The following KCNN2 variants were observed in gnomAD, a reference collection of about 807,000 sequenced individuals.
The protein encoded by KCNN2 is potassium calcium-activated channel subfamily N member 2, also known as small conductance calcium-activated potassium channel protein 2.
Under a neutral mutation model 55.5 loss-of-function variants are expected in KCNN2, and 24 were observed. That is an observed-to-expected ratio of 0.43 (90% CI 0.31 to 0.61). The LOEUF (loss-of-function observed/expected upper bound fraction) is 0.61. Ranked by LOEUF, KCNN2 falls within the 20% of genes least tolerant of loss-of-function variation. KCNN2 has a pLI of 0.08. For missense variants in KCNN2, 754 were observed against 853.6 expected (o/e 0.88, Z 1.45); for synonymous variants, 431 against 336.1 (o/e 1.28, Z -3.09).
chr5:114,276,340 T>C (rs1366588866), intron 2 of KCNN2, among the ~76,000 whole-genome samples: 1 of 152,176 alleles, frequency 6.6e-6, no homozygotes, highest in African/African-American at 2.4e-5. Flanking sequence ...ATATGTCTAT[T>C]AGGTCTGCTT....
intron 3 of KCNN2, among the ~76,000 whole-genome samples, chr5:114,452,862 T>C (rs546904899): frequency 6.6e-6 from 1 of 152,364 alleles, no homozygotes; most frequent in South Asian, 2.1e-4. Flanking sequence ...AACTTAGATA[T>C]GTACCTTCTT....
Position 114,161,832 on chromosome 5 carries a change from T to C in KCNN2, c.-270-59648T>C, listed in dbSNP as rs556411092. Among the ~76,000 whole-genome samples, 29 of 152,326 alleles carry C rather than the reference T, an allele frequency of 1.9e-4. No individual in the cohort carries two copies. In the South Asian group the frequency reaches 5.2e-3, roughly 27 times the overall value. On this transcript the variant is annotated intron_variant, in intron 1 of 10. Transcript: ENST00000512097. The stretch of plus-strand genomic sequence containing the variant: ...TTGTGCATTCGTCACGTGGTTCTCA[T>C]GCCATGGTTTTCAGCTCCATCAGGT...
chr5:114,462,127 C>G (rs938587816), intron 3 of KCNN2, among the ~76,000 whole-genome samples: 1 of 152,114 alleles, frequency 6.6e-6, no homozygotes, highest in African/African-American at 2.4e-5. Context: ...GCAAATTCTT[C>G]TAGGGTGACA....
chr5:114,072,669 G>T (rs181004764), intron 1 of KCNN2, among the ~76,000 whole-genome samples: 177 of 152,270 alleles, frequency 1.2e-3, no homozygotes, highest in Non-Finnish European at 2.2e-3. Flanking sequence ...GAGGTAGAAT[G>T]CACAGTGATA....
At chr5:114,391,937 T>C (rs73245924) in intron 2 of KCNN2, among the ~76,000 whole-genome samples, 3,552 of 152,154 alleles carry the variant, frequency 0.023, 133 homozygotes, top group African/African-American at 0.082. Context: ...TCACCTCTAT[T>C]TAGGGCTGGA....
Position 114,139,588 on chromosome 5 carries a change from T to C in KCNN2, c.-270-81892T>C, listed in dbSNP as rs180881519. 5.1e-3 allele frequency among the ~76,000 whole-genome samples: 759 copies of C among 149,848 alleles called. 9 individuals are homozygous for C. Among genetic ancestry groups the C allele is most frequent in the African/African-American group, 0.018 (726 of 41,138 alleles). ...TATAATAATAATTTAATGAATAATA[T>C]TTATATACTCTATATAATATATAAA... On this transcript the variant is annotated intron_variant, in intron 1 of 10. Coordinates refer to the KCNN2 transcript ENST00000512097.
chr5:114,144,663 C>G (rs1041204109), intron 1 of KCNN2, among the ~76,000 whole-genome samples: 16 of 151,906 alleles, frequency 1.1e-4, no homozygotes, highest in African/African-American at 3.9e-4. Context: ...TAACAATTAA[C>G]ACAGGTAATT....
chr5:114,249,162 T>A (rs4460133), intron 2 of KCNN2, among the ~76,000 whole-genome samples: 56,310 of 151,902 alleles, frequency 0.37, 10,860 homozygotes, highest in East Asian at 0.73. Context: ...TGCTGATGAT[T>A]CAATGGAGAT....
chr5:114,215,393 CA>C (rs1464999792), intron 1 of KCNN2, among the ~76,000 whole-genome samples: 1 of 152,050 alleles, frequency 6.6e-6, no homozygotes, highest in Non-Finnish European at 1.5e-5. Context: ...TAAAGAATAA[CA>C]AAGGAGAGTT....
chr5:114,290,160 G>A (rs952922511), intron 2 of KCNN2, among the ~76,000 whole-genome samples: 16 of 152,228 alleles, frequency 1.1e-4, no homozygotes, highest in Admixed American at 1.0e-3. Context: ...TGTTAATTTG[G>A]AATAGTTTGA....
chr5:114,179,022 C>T (rs1207263781), intron 1 of KCNN2, among the ~76,000 whole-genome samples: 1 of 152,178 alleles, frequency 6.6e-6, no homozygotes, highest in Non-Finnish European at 1.5e-5. Flanking sequence ...CCCTCCAAGA[C>T]AGAATTCATT....
intron 1 of KCNN2, among the ~76,000 whole-genome samples, chr5:114,092,828 T>C (rs927795609): frequency 5.3e-5 from 8 of 152,018 alleles, no homozygotes; most frequent in African/African-American, 1.4e-4. Flanking sequence ...GGACACCAAA[T>C]CTCGAGACCG....
chr5:114,219,244 G>A (rs1220521608), intron 1 of KCNN2, among the ~76,000 whole-genome samples: 1 of 152,186 alleles, frequency 6.6e-6, no homozygotes, highest in Non-Finnish European at 1.5e-5. Flanking sequence ...AGCTTAGTAG[G>A]CTGTTTGCCT....
At chr5:114,103,188 T>G (rs1191425787) in intron 1 of KCNN2, among the ~76,000 whole-genome samples, 1 of 152,192 alleles carries the variant, frequency 6.6e-6, no homozygotes, top group Non-Finnish European at 1.5e-5. Flanking sequence ...TATTTTACTT[T>G]CTTTGTAGCA....
At chr5:114,066,322 A>G (rs1327339310) in intron 1 of KCNN2, among the ~76,000 whole-genome samples, 1 of 152,200 alleles carries the variant, frequency 6.6e-6, no homozygotes, top group Non-Finnish European at 1.5e-5. Flanking sequence ...ATAAAAACCA[A>G]CAGATACAAG....
intron 4 of KCNN2, among the ~76,000 whole-genome samples, chr5:114,468,391 G>C (rs959559757): frequency 7.2e-5 from 11 of 152,268 alleles, no homozygotes; most frequent in Non-Finnish European, 1.5e-4. Flanking sequence ...CCCAGGGACA[G>C]AAAAACAGGC....
intron 3 of KCNN2, among the ~76,000 whole-genome samples, chr5:114,452,522 C>G (rs1463047092): frequency 6.6e-6 from 1 of 152,178 alleles, no homozygotes; most frequent in Non-Finnish European, 1.5e-5. Context: ...CCAAAAGTTT[C>G]TTTACATGTA....
intron 2 of KCNN2, among the ~76,000 whole-genome samples, chr5:114,348,177 G>A (rs1398389231): frequency 6.6e-6 from 1 of 151,028 alleles, no homozygotes; most frequent in African/African-American, 2.4e-5. Flanking sequence ...AAAAGGCTCG[G>A]TCTCATGATG....
At chr5:114,368,624 C>T (rs1489051695) in intron 2 of KCNN2, among the ~76,000 whole-genome samples, 2 of 152,124 alleles carry the variant, frequency 1.3e-5, no homozygotes, top group African/African-American at 2.4e-5. Context: ...GAAAATACTG[C>T]ATATAGTTTA....
Sources: allele counts gnomAD v4.1 joint callset (sites outside exome capture counted in the v4.1 genomes callset), GRCh38; gene constraint gnomAD v4.1.1; transcripts MANE v1.5; gene names NCBI Gene and HGNC (gene_info 2026-07-23, HGNC 2026-07-21).